The following BAZ2B variants were observed in gnomAD, a reference collection of about 807,000 sequenced individuals.
BAZ2B encodes bromodomain adjacent to zinc finger domain 2B, also known as bromodomain adjacent to zinc finger domain protein 2B.
Under a neutral mutation model 246.0 loss-of-function variants are expected in BAZ2B, and 91 were observed. The ratio of observed to expected loss-of-function variants is 0.37; its 90% CI spans 0.31 to 0.44. BAZ2B has a LOEUF of 0.44. BAZ2B is among the 20% of genes least tolerant of loss of function. BAZ2B has a pLI of 1.00. For missense variants in BAZ2B, 2,332 were observed against 2,533.7 expected (o/e 0.92, Z 1.71); for synonymous variants, 855 against 860.0 (o/e 0.99, Z 0.10).
intron 6 of BAZ2B, among the ~76,000 whole-genome samples, chr2:159,442,018 A>G (rs2073498786): frequency 6.6e-6 from 1 of 152,238 alleles, no homozygotes; most frequent in Non-Finnish European, 1.5e-5. Context: ...GGTGTGAGAA[A>G]CAGACACCAG....
the BAZ2B span, among the ~76,000 whole-genome samples, chr2:159,705,704 A>C: frequency 2.1e-3 from 324 of 152,342 alleles, 3 homozygotes; most frequent in Middle Eastern, 0.014. Flanking sequence ...TCAATTGAGA[A>C]TAATTAAGCA....
At chr2:159,409,546 T>C (rs940280611) in intron 14 of BAZ2B, among the ~76,000 whole-genome samples, 9 of 152,150 alleles carry the variant, frequency 5.9e-5, no homozygotes, top group Admixed American at 1.3e-4. Context: ...CACATTTATC[T>C]CACTATTCTG....
chr2:159,640,690 A>C, the BAZ2B span, among the ~76,000 whole-genome samples: 79 of 152,204 alleles, frequency 5.2e-4, no homozygotes, highest in Admixed American at 1.6e-3. Context: ...TATGGAATAC[A>C]CTGAAGGCAG....
At chr2:159,706,916 G>A in the BAZ2B span, among the ~76,000 whole-genome samples, 4 of 152,274 alleles carry the variant, frequency 2.6e-5, no homozygotes, top group South Asian at 6.2e-4. Flanking sequence ...TCAGCCTTAA[G>A]AGCAAAAACT....
At chr2:159,702,446 GCTA>G in the BAZ2B span, among the ~76,000 whole-genome samples, 2 of 152,076 alleles carry the variant, frequency 1.3e-5, no homozygotes, top group African/African-American at 4.8e-5. Flanking sequence ...AATTTTTAAT[GCTA>G]CTATTTAATT....
intron 13 of BAZ2B, among the ~76,000 whole-genome samples, chr2:159,424,689 CCTCT>C (rs2069453372): frequency 6.6e-6 from 1 of 152,098 alleles, no homozygotes; most frequent in African/African-American, 2.4e-5. Context: ...CCAGGACCTC[CCTCT>C]ATGAATACCA....
rs1578501098 is a variant in BAZ2B at position 159,572,756 on chromosome 2, C to G, written c.-45-16891G>C. ...TTTAACATAAGTACATGCTTTTAAA[C>G]TATTATTTTCAAGTTTAAAAACACT... On this transcript the variant is annotated intron_variant, in intron 1 of 36. Transcript: ENST00000392783. Among the ~76,000 whole-genome samples the G allele has an allele frequency of 4.6e-5, 7 of 152,138 alleles. No homozygotes were observed. The East Asian group carries it at 1.4e-3, about 29-fold the overall frequency.
chr2:159,701,873 C>T, the BAZ2B span, among the ~76,000 whole-genome samples: 4 of 151,836 alleles, frequency 2.6e-5, no homozygotes, highest in African/African-American at 4.8e-5. Context: ...GGACTACAGG[C>T]GCACATCACC....
the BAZ2B span, among the ~76,000 whole-genome samples, chr2:159,644,350 G>A: frequency 3.3e-5 from 5 of 152,180 alleles, no homozygotes; most frequent in African/African-American, 1.2e-4. Context: ...AGATCTTAAG[G>A]CTGGAGATAA....
the BAZ2B span, among the ~76,000 whole-genome samples, chr2:159,630,694 C>G: frequency 6.6e-5 from 10 of 152,058 alleles, no homozygotes; most frequent in Non-Finnish European, 1.3e-4. Context: ...CTACCACGCC[C>G]GGCTAATTTT....
intron 6 of BAZ2B, among the ~76,000 whole-genome samples, chr2:159,441,813 G>A (rs62173179): frequency 0.033 from 5,024 of 152,132 alleles, 120 homozygotes; most frequent in Non-Finnish European, 0.047. Context: ...TTAAAAGTTA[G>A]TCTTCTTAGG....
chr2:159,566,340 A>G (rs953670209), intron 1 of BAZ2B, among the ~76,000 whole-genome samples: 1 of 152,148 alleles, frequency 6.6e-6, no homozygotes, highest in Non-Finnish European at 1.5e-5. Flanking sequence ...TGTGACAGCA[A>G]TGTCCTTCTA....
chr2:159,447,755 A>C (rs1214116064), intron 5 of BAZ2B, among the ~76,000 whole-genome samples: 1 of 152,202 alleles, frequency 6.6e-6, no homozygotes, highest in Non-Finnish European at 1.5e-5. Flanking sequence ...AATACTTCTA[A>C]TCTCAAAGAA....
At chr2:159,575,281 C>T (rs996956437) in intron 1 of BAZ2B, among the ~76,000 whole-genome samples, 2 of 151,732 alleles carry the variant, frequency 1.3e-5, no homozygotes, top group African/African-American at 4.8e-5. Context: ...CCAGCCTGGG[C>T]GACAGAGCAA....
chr2:159,452,587 T>G (rs951490251), intron 4 of BAZ2B, among the ~76,000 whole-genome samples: 1 of 152,226 alleles, frequency 6.6e-6, no homozygotes, highest in African/African-American at 2.4e-5. Context: ...CACTAAAACA[T>G]GCAGACCTCA....
intron 1 of BAZ2B, among the ~76,000 whole-genome samples, chr2:159,598,549 A>G (rs939071183): frequency 6.6e-6 from 1 of 152,184 alleles, no homozygotes. Flanking sequence ...TACTGATCAA[A>G]AACTCAAGAA....
intron 3 of BAZ2B, among the ~76,000 whole-genome samples, chr2:159,471,961 T>C (rs1468820679): frequency 6.6e-6 from 1 of 152,150 alleles, no homozygotes; most frequent in African/African-American, 2.4e-5. Flanking sequence ...ATAAAGTTCA[T>C]ACACATGTAT....
At chr2:159,687,262 T>C in the BAZ2B span, among the ~76,000 whole-genome samples, 1 of 152,128 alleles carries the variant, frequency 6.6e-6, no homozygotes, top group East Asian at 1.9e-4. Context: ...TGTTTTGCTA[T>C]TCATAGCAAG....
intron 30 of BAZ2B, among the ~76,000 whole-genome samples, chr2:159,348,136 T>C (rs758275662): frequency 3.3e-5 from 5 of 151,422 alleles, no homozygotes; most frequent in African/African-American, 7.3e-5. Flanking sequence ...CTGGGCAACA[T>C]AGTGAGGCCC....
Sources: allele counts gnomAD v4.1 joint callset (sites outside exome capture counted in the v4.1 genomes callset), GRCh38; gene constraint gnomAD v4.1.1; transcripts MANE v1.5; gene names NCBI Gene and HGNC (gene_info 2026-07-23, HGNC 2026-07-21).